The following PEF1 variants were observed in gnomAD, a reference collection of about 807,000 sequenced individuals.
PEF1 encodes peflin.
In PEF1, 17 loss-of-function variants were observed where a neutral mutation model predicts 32.0. That is an observed-to-expected ratio of 0.53 (90% CI 0.36 to 0.80). PEF1 has a LOEUF of 0.80. Ranked by LOEUF, PEF1 falls within the 30% of genes least tolerant of loss-of-function variation. PEF1 has a pLI of 0.00. For synonymous variants in PEF1, 130 were observed against 139.8 expected (o/e 0.93, Z 0.50); for missense variants, 362 against 369.1 (o/e 0.98, Z 0.16).
At chr1:31,635,768 T>C (rs1254667511) in intron 1 of PEF1, among the ~76,000 whole-genome samples, 1 of 152,182 alleles carries the variant, frequency 6.6e-6, no homozygotes, top group Admixed American at 6.5e-5. Flanking sequence ...AACTCTCCTT[T>C]CCTGCACATC....
intron 4 of PEF1, 124 bp downstream of exon 4, chr1:31,632,371 G>T: frequency 6.6e-7 from 1 of 1,512,532 alleles, no homozygotes; most frequent in Non-Finnish European, 9.2e-7. Context: ...CCTGCACTGA[G>T]AACAGCATTT....
intron 1 of PEF1, among the ~76,000 whole-genome samples, chr1:31,636,058 C>T (rs1279407529): frequency 6.6e-6 from 1 of 152,212 alleles, no homozygotes; most frequent in Admixed American, 6.5e-5. Context: ...GATGTAAAAA[C>T]ATTTCCCTAT....
intron 1 of PEF1, among the ~76,000 whole-genome samples, chr1:31,643,034 G>A (rs1040530357): frequency 6.6e-6 from 1 of 152,136 alleles, no homozygotes; most frequent in Non-Finnish European, 1.5e-5. Flanking sequence ...CAGGTCTGAA[G>A]TGGGACCCAA....
rs1640063209 is a variant in PEF1, at chr1:31,630,462, A to C, written c.*151T>G. ...CACTATTTGGTGGCTATGATGCAGGACTCTCCACCCTCTTTTGGAACAGTG... is the reference window on the plus strand; with the variant it reads ...CACTATTTGGTGGCTATGATGCAGGCCTCTCCACCCTCTTTTGGAACAGTG... On this transcript the variant is annotated 3_prime_UTR_variant, in exon 5 of 5. Transcript: ENST00000373703. The C allele has an allele frequency of 2.5e-6, 2 of 812,992 alleles. No homozygotes were observed. Among genetic ancestry groups the C allele is most frequent in the South Asian group, 3.4e-5 (2 of 58,968 alleles). The allele number at this position is 812,992 out of a possible 1,614,324, so 50.4% of individuals were successfully genotyped here. A position where few individuals can be genotyped will look rare whatever the true frequency, so the allele number is the denominator to read the frequency against.
In PEF1 at chr1:31,630,267, A is replaced by G; in HGVS notation, c.*346T>C. The G allele has an allele frequency of 3.0e-6, 1 of 336,606 alleles. No individual in the cohort carries two copies. Among genetic ancestry groups the G allele is most frequent in the Non-Finnish European group, 5.7e-6 (1 of 174,120 alleles). 20.9% of individuals were successfully genotyped at this position (336,606 alleles called of 1,614,324 possible). ...TACTAACGGTAACAGGCCGATGAACACTCACCACTGGCATCAGGGTGGAGC... is the reference window on the plus strand; with the variant it reads ...TACTAACGGTAACAGGCCGATGAACGCTCACCACTGGCATCAGGGTGGAGC... On this transcript the variant is annotated 3_prime_UTR_variant, in exon 5 of 5. Coordinates refer to ENST00000373703, the MANE Select transcript of PEF1 (RefSeq NM_012392.4).
chr1:31,644,730 C>T (rs971143890), intron 1 of PEF1, 111 bp downstream of exon 1: 3 of 1,585,728 alleles, frequency 1.9e-6, no homozygotes, highest in South Asian at 2.3e-5. Context: ...CTCGCTGAAG[C>T]GAACCCATCG....
chr1:31,636,558 C>T (rs1276244493), intron 1 of PEF1, among the ~76,000 whole-genome samples: 1 of 152,178 alleles, frequency 6.6e-6, no homozygotes, highest in Non-Finnish European at 1.5e-5. Context: ...CTGACTTATC[C>T]TCTCTAAGCC....
chr1:31,644,222 C>G (rs1237406973), intron 1 of PEF1: 1 of 222,114 alleles, frequency 4.5e-6, no homozygotes, highest in Non-Finnish European at 7.6e-6. Flanking sequence ...AATCAAGATA[C>G]GCTGGGGAAG....
At chr1:31,643,608 G>C (rs975772942) in intron 1 of PEF1, among the ~76,000 whole-genome samples, 6 of 152,160 alleles carry the variant, frequency 3.9e-5, no homozygotes, top group African/African-American at 1.4e-4. Flanking sequence ...CAGTTAATTA[G>C]GGGTAATAAT....
chr1:31,640,553 C>G lies in PEF1; in HGVS notation c.24+4288G>C, dbSNP rs571346413. 2.0e-4 allele frequency among the ~76,000 whole-genome samples: 31 copies of G among 152,288 alleles called. No homozygotes were observed. The East Asian group carries it at 5.8e-3, about 28-fold the overall frequency. ...AGCCTTCAAGCCCAGAAATCAGGGA[C>G]TCTTAGAAAAATCTCATTCTTTTTC... On this transcript the variant is annotated intron_variant, in intron 1 of 4. Transcript: ENST00000373703.
At chr1:31,639,823 G>C (rs2148623992) in intron 1 of PEF1, among the ~76,000 whole-genome samples, 1 of 152,328 alleles carries the variant, frequency 6.6e-6, no homozygotes, top group South Asian at 2.1e-4. Flanking sequence ...AGATGAAGGA[G>C]GTGGAGCCAA....
intron 2 of PEF1, 35 bp from the exon 3 acceptor site, chr1:31,633,349 T>G: frequency 6.3e-7 from 1 of 1,580,652 alleles, no homozygotes; most frequent in South Asian, 1.1e-5. Flanking sequence ...TCAACAGAAA[T>G]GCCAGGAAGG....
chr1:31,636,717 C>T (rs570162603), intron 1 of PEF1, among the ~76,000 whole-genome samples: 7 of 152,192 alleles, frequency 4.6e-5, no homozygotes, highest in Non-Finnish European at 1.0e-4. Flanking sequence ...TAGCCTCCTA[C>T]AGAGGACAAG....
chr1:31,635,303 C>T lies in PEF1; in HGVS notation c.244G>A (p.Gly82Ser), dbSNP rs1409767499. Residue 82 changes from glycine to serine, a missense_variant, in exon 2 of 5, where the codon GGC becomes AGC. By Grantham distance (56) the Gly-to-Ser change is moderately conservative. Transcript: ENST00000373703. ...TAGGGGCCCCCGGGAGCTGCACCGCCATATGGTCCTCCTGGAGTTCCAGAG... is the reference window on the plus strand; with the variant it reads ...TAGGGGCCCCCGGGAGCTGCACCGCTATATGGTCCTCCTGGAGTTCCAGAG... ...FPSGTPGGPYGGAAPGGPYGQ... is the reference protein window; with the variant it reads ...FPSGTPGGPYSGAAPGGPYGQ... The T allele has an allele frequency of 1.2e-6, 2 of 1,614,022 alleles. No individual in the cohort carries two copies. Among genetic ancestry groups the T allele is most frequent in the Non-Finnish European group, 1.7e-6 (2 of 1,180,016 alleles).
At chr1:31,639,257 A>G (rs1408631021) in intron 1 of PEF1, among the ~76,000 whole-genome samples, 1 of 152,206 alleles carries the variant, frequency 6.6e-6, no homozygotes, top group Non-Finnish European at 1.5e-5. Flanking sequence ...GTGTGAACCC[A>G]GAAAGGCAGG....
At chr1:31,631,816 C>T (rs1003331143) in intron 4 of PEF1, among the ~76,000 whole-genome samples, 2 of 152,196 alleles carry the variant, frequency 1.3e-5, no homozygotes, top group African/African-American at 4.8e-5. Flanking sequence ...TGCACTCACT[C>T]CTGCCCACAG....
In PEF1 at chr1:31,635,330, G is replaced by C; in HGVS notation, c.217C>G (p.Pro73Ala). 1 of 1,614,078 alleles carries C rather than the reference G, an allele frequency of 6.2e-7. No homozygotes were observed. Among genetic ancestry groups the C allele is most frequent in the South Asian group, 1.1e-5 (1 of 91,084 alleles). Residue 73 changes from proline (P) to alanine (A), a missense_variant, in exon 2 of 5, where the codon CCC becomes GCC. Coordinates refer to ENST00000373703, the MANE Select transcript of PEF1 (RefSeq NM_012392.4). ...TATGGTCCTCCTGGAGTTCCAGAGGGGAACATCCCAGGATTGGGGTGTCCA... is the reference window on the plus strand; with the variant it reads ...TATGGTCCTCCTGGAGTTCCAGAGGCGAACATCCCAGGATTGGGGTGTCCA... Reference protein sequence around the residue: ...PYGHPNPGMFPSGTPGGPYGG... With the variant: ...PYGHPNPGMFASGTPGGPYGG...
intron 1 of PEF1, 156 bp downstream of exon 1, chr1:31,644,685 C>G: frequency 6.7e-7 from 1 of 1,484,218 alleles, no homozygotes; most frequent in African/African-American, 1.4e-5. Flanking sequence ...AGGGCGCGAC[C>G]GACGGTCCCT....
intron 1 of PEF1, chr1:31,644,222 C>T (rs1237406973): frequency 9.0e-6 from 2 of 221,996 alleles, no homozygotes; most frequent in African/African-American, 2.3e-5. Context: ...AATCAAGATA[C>T]GCTGGGGAAG....
Sources: allele counts gnomAD v4.1 joint callset (sites outside exome capture counted in the v4.1 genomes callset), GRCh38; gene constraint gnomAD v4.1.1; transcripts MANE v1.5; gene names NCBI Gene and HGNC (gene_info 2026-07-23, HGNC 2026-07-21).